LMX1B: variants seen among roughly 807,000 people sequenced by gnomAD.
LMX1B encodes LIM homeobox transcription factor 1-beta.
In LMX1B, 12 loss-of-function variants were observed where a neutral mutation model predicts 51.4. That is an observed-to-expected ratio of 0.23 (90% CI 0.15 to 0.38). The LOEUF (loss-of-function observed/expected upper bound fraction) is 0.38, where lower values mean the gene tolerates loss of function less well. Among genes scored for constraint, LMX1B ranks in the 10% least tolerant of loss-of-function variants. The probability of loss-of-function intolerance (pLI) is 1.00; values close to 1 mark genes in which losing one functional copy is unlikely to be tolerated. For missense variants in LMX1B, 445 were observed against 571.1 expected (o/e 0.78, Z 2.25); for synonymous variants, 237 against 235.4 (o/e 1.01, Z -0.06).
At position 126,690,899 on chromosome 9, in the gene LMX1B, G is replaced by A; in HGVS notation, c.390G>A (p.Arg130=). The A allele has an allele frequency of 6.2e-7, 1 of 1,613,974 alleles. No individual in the cohort carries two copies. The highest frequency in any genetic ancestry group is 8.5e-7 in the Non-Finnish European group (1 of 1,179,968). The stretch of plus-strand genomic sequence containing the variant: ...TCGCCCCCACCGAGTTCGTGATGCG[G>A]GCGCTGGAGTGCGTGTACCACCTGG... ...EKIAPTEFVM[R]ALECVYHLGC... Residue 130 remains arginine (R), a synonymous_variant, in exon 3 of 8, where the codon CGG becomes CGA. Coordinates refer to ENST00000373474, the MANE Select transcript of LMX1B (RefSeq NM_001174147.2).
chr9:126,630,437 G>T (rs548668614), intron 2 of LMX1B, among the ~76,000 whole-genome samples: 1 of 152,202 alleles, frequency 6.6e-6, no homozygotes, highest in East Asian at 1.9e-4. Flanking sequence ...TTTCATCACT[G>T]GGGGGGAGGG....
intron 2 of LMX1B, among the ~76,000 whole-genome samples, chr9:126,646,196 T>C (rs1434246620): frequency 6.6e-6 from 1 of 152,152 alleles, no homozygotes; most frequent in Non-Finnish European, 1.5e-5. Context: ...TGAAGTGACA[T>C]GTCAGGGTAA....
chr9:126,686,279 C>CAAA (rs5900718), intron 2 of LMX1B, among the ~76,000 whole-genome samples: 25,201 of 93,290 alleles, frequency 0.27, 3,535 homozygotes, highest in Middle Eastern at 0.42. Flanking sequence ...GACTCCATCT[C>CAAA]AAAAAAAAAA....
At chr9:126,645,394 A>T (rs918756004) in intron 2 of LMX1B, among the ~76,000 whole-genome samples, 1 of 152,174 alleles carries the variant, frequency 6.6e-6, no homozygotes, top group African/African-American at 2.4e-5. Flanking sequence ...GGGATCCCAA[A>T]TCCCTGCTGT....
intron 2 of LMX1B, among the ~76,000 whole-genome samples, chr9:126,616,304 C>G (rs72760783): frequency 6.6e-6 from 1 of 152,178 alleles, no homozygotes; most frequent in African/African-American, 2.4e-5. Flanking sequence ...GGAGATGGCC[C>G]GCTCTGCCCT....
At chr9:126,624,076 G>A (rs989414214) in intron 2 of LMX1B, among the ~76,000 whole-genome samples, 2 of 152,258 alleles carry the variant, frequency 1.3e-5, no homozygotes, top group Admixed American at 6.5e-5. Context: ...TCTAATACGC[G>A]CACACGGTCC....
chr9:126,663,846 C>A (rs1836289684), intron 2 of LMX1B, among the ~76,000 whole-genome samples: 1 of 152,250 alleles, frequency 6.6e-6, no homozygotes, highest in Non-Finnish European at 1.5e-5. Context: ...GGGCTCATCC[C>A]AGACCAGGCC....
chr9:126,669,109 C>T lies in LMX1B; in HGVS notation c.327-21727C>T, dbSNP rs539003626. On this transcript the variant is annotated intron_variant, in intron 2 of 7. Coordinates refer to ENST00000373474, the MANE Select transcript of LMX1B (RefSeq NM_001174147.2). ...CCTGAGCAGTCCTGGACCCCGAGGG[C>T]GGAGGACGAGGGGACGAGAGGAAGA... Among the ~76,000 whole-genome samples the T allele has an allele frequency of 6.5e-4, 99 of 152,232 alleles. 3 individuals are homozygous for T. In the South Asian group the frequency reaches 0.02, roughly 31 times the overall value.
rs796806316 is a variant in LMX1B, at chr9:126,636,152, T to C, written c.326+20583T>C. ...AGCTTCCTCCCTTCCTCCTTTCTGATATTTGCTGAGGCTGCTGTGTGCCTT... is the reference window on the plus strand; with the variant it reads ...AGCTTCCTCCCTTCCTCCTTTCTGACATTTGCTGAGGCTGCTGTGTGCCTT... On this transcript the variant is annotated intron_variant, in intron 2 of 7. Coordinates refer to ENST00000373474, the MANE Select transcript of LMX1B (RefSeq NM_001174147.2). Among the ~76,000 whole-genome samples, 7 of 152,218 alleles carry C rather than the reference T, an allele frequency of 4.6e-5. No individual in the cohort carries two copies. In the South Asian group the frequency reaches 1.2e-3, roughly 27 times the overall value.
intron 2 of LMX1B, among the ~76,000 whole-genome samples, chr9:126,620,258 C>T (rs962945178): frequency 6.6e-6 from 1 of 152,134 alleles, no homozygotes; most frequent in Non-Finnish European, 1.5e-5. Flanking sequence ...TCTTGCCTTC[C>T]TCAGCCATGA....
At chr9:126,619,288 A>C (rs1835364769) in intron 2 of LMX1B, among the ~76,000 whole-genome samples, 1 of 151,902 alleles carries the variant, frequency 6.6e-6, no homozygotes, top group South Asian at 2.1e-4. Context: ...CTCTCCCCCC[A>C]CACTCCCCAT....
At chr9:126,656,410 GATA>G (rs1836117231) in intron 2 of LMX1B, among the ~76,000 whole-genome samples, 1 of 151,912 alleles carries the variant, frequency 6.6e-6, no homozygotes, top group Non-Finnish European at 1.5e-5. Flanking sequence ...TAGATAGATA[GATA>G]GATAGATAGA....
chr9:126,616,972 T>C (rs1053115164), intron 2 of LMX1B, among the ~76,000 whole-genome samples: 2 of 152,214 alleles, frequency 1.3e-5, no homozygotes, highest in Non-Finnish European at 2.9e-5. Context: ...GTTTTGCTGG[T>C]CCCAGAGTGC....
chr9:126,669,267 G>T (rs1194691199), intron 2 of LMX1B, among the ~76,000 whole-genome samples: 2 of 152,162 alleles, frequency 1.3e-5, no homozygotes, highest in African/African-American at 4.8e-5. Context: ...AGGGATGAGG[G>T]CTCCTGTAGA....
intron 2 of LMX1B, among the ~76,000 whole-genome samples, chr9:126,667,984 T>C (rs1243266145): frequency 1.3e-5 from 2 of 152,036 alleles, no homozygotes; most frequent in African/African-American, 2.4e-5. Flanking sequence ...AGCAGGTTGA[T>C]TGAGGAAGAA....
At chr9:126,691,516 C>T (rs1010579731) in intron 3 of LMX1B, among the ~76,000 whole-genome samples, 4 of 152,184 alleles carry the variant, frequency 2.6e-5, no homozygotes, top group Admixed American at 6.5e-5. Context: ...CACTAAACAC[C>T]GGTCCACATG....
chr9:126,640,346 C>T (rs1835786512), intron 2 of LMX1B, among the ~76,000 whole-genome samples: 1 of 152,174 alleles, frequency 6.6e-6, no homozygotes. Flanking sequence ...TGGTATGGGA[C>T]CCCTCCAAGT....
intron 2 of LMX1B, among the ~76,000 whole-genome samples, chr9:126,622,100 G>A (rs948254465): frequency 1.3e-5 from 2 of 152,206 alleles, no homozygotes; most frequent in Non-Finnish European, 2.9e-5. Context: ...GGGAGGATGA[G>A]GGGCTGGGGA....
chr9:126,636,626 A>C (rs1835716598), intron 2 of LMX1B, among the ~76,000 whole-genome samples: 1 of 150,452 alleles, frequency 6.6e-6, no homozygotes, highest in Non-Finnish European at 1.5e-5. Flanking sequence ...ACACGGGGAA[A>C]GGGGCGCTAC....
Sources: allele counts gnomAD v4.1 joint callset (sites outside exome capture counted in the v4.1 genomes callset), GRCh38; gene constraint gnomAD v4.1.1; transcripts MANE v1.5; gene names NCBI Gene and HGNC (gene_info 2026-07-23, HGNC 2026-07-21).